SORCS1: variants seen among roughly 807,000 people sequenced by gnomAD.
The protein encoded by SORCS1 is VPS10 domain-containing receptor SorCS1.
Under a neutral mutation model 146.1 loss-of-function variants are expected in SORCS1, and 60 were observed. That is an observed-to-expected ratio of 0.41 (90% CI 0.33 to 0.51). The LOEUF is 0.51. SORCS1 is among the 20% of genes least tolerant of loss of function. SORCS1 has a pLI of 0.21. For missense variants in SORCS1, 1,352 were observed against 1,487.6 expected (o/e 0.91, Z 1.50); for synonymous variants, 637 against 584.0 (o/e 1.09, Z -1.31).
At chr10:106,921,953 T>C (rs1952733451) in intron 2 of SORCS1, among the ~76,000 whole-genome samples, 1 of 152,184 alleles carries the variant, frequency 6.6e-6, no homozygotes, top group Admixed American at 6.5e-5. Context: ...TTGCTTTCCA[T>C]CGTGCTGCAT....
rs371325325 is a variant in SORCS1, at chr10:106,735,931, C to T, written c.960-5817G>A. On this transcript the variant is annotated intron_variant, in intron 5 of 25. Transcript: ENST00000263054. ...ATGAGCTTTGTTGATGAAAACAAGA[C>T]AAAGCCCATTGCAGCCTCCTACATC... Among the ~76,000 whole-genome samples the T allele has an allele frequency of 4.6e-5, 7 of 152,278 alleles. No homozygotes were observed. The South Asian group carries it at 1.5e-3, about 32-fold the overall frequency.
At chr10:106,629,482 C>T in intron 18 of SORCS1, 94 bp from the exon 19 acceptor site, 3 of 1,324,262 alleles carry the variant, frequency 2.3e-6, no homozygotes, top group Non-Finnish European at 3.1e-6. Flanking sequence ...GTCCCTGGCT[C>T]AGGCATGATG....
chr10:106,828,964 T>G lies in SORCS1; in HGVS notation c.726+610A>C, dbSNP rs1589492994. On this transcript the variant is annotated intron_variant, in intron 3 of 25. Coordinates refer to ENST00000263054, the MANE Select transcript of SORCS1 (RefSeq NM_052918.5). The stretch of plus-strand genomic sequence containing the variant: ...TATTTCTTTCCTCTGAATCTCAGTT[T>G]TCTTATCTGTAAAATAACGGTGTTG... Among the ~76,000 whole-genome samples, 5 of 152,310 alleles carry G rather than the reference T, an allele frequency of 3.3e-5. No homozygotes were observed. In the South Asian group the frequency reaches 8.3e-4, roughly 25 times the overall value.
intron 1 of SORCS1, among the ~76,000 whole-genome samples, chr10:107,027,697 T>C (rs1042911163): frequency 2.0e-5 from 3 of 152,202 alleles, no homozygotes; most frequent in African/African-American, 4.8e-5. Context: ...CGCAGAAGTT[T>C]CAGTCATCAG....
intron 2 of SORCS1, among the ~76,000 whole-genome samples, chr10:106,896,786 C>T (rs1951496948): frequency 1.3e-5 from 2 of 151,644 alleles, no homozygotes; most frequent in Non-Finnish European, 2.9e-5. Context: ...AACTGAAGCT[C>T]AGTGTTAGAG....
intron 23 of SORCS1, among the ~76,000 whole-genome samples, chr10:106,602,988 A>G (rs973808569): frequency 1.3e-5 from 2 of 152,302 alleles, no homozygotes; most frequent in East Asian, 3.9e-4. Context: ...TAATAAAAAC[A>G]GCCAAGGAAG....
At chr10:106,804,121 A>G (rs1317419520) in intron 3 of SORCS1, among the ~76,000 whole-genome samples, 1 of 152,162 alleles carries the variant, frequency 6.6e-6, no homozygotes, top group Non-Finnish European at 1.5e-5. Flanking sequence ...GAGAGAGTGA[A>G]AAAGTACTCA....
chr10:106,915,987 C>T (rs1430097636), intron 2 of SORCS1, among the ~76,000 whole-genome samples: 1 of 152,142 alleles, frequency 6.6e-6, no homozygotes, highest in African/African-American at 2.4e-5. Context: ...TCCTAAAAAC[C>T]TTGATGGCTC....
chr10:107,013,407 G>A lies in SORCS1; in HGVS notation c.559-56827C>T, dbSNP rs765731699. On this transcript the variant is annotated intron_variant, in intron 1 of 25. Coordinates refer to ENST00000263054, the MANE Select transcript of SORCS1 (RefSeq NM_052918.5). ...CTGAGATGGAACCTGACACCAAGCA[G>A]AAGGTAATCAGATCTGGGTTAACCT... 1.1e-4 allele frequency among the ~76,000 whole-genome samples: 17 copies of A among 152,072 alleles called. 1 individual carries two copies. The highest frequency in any genetic ancestry group is 1.3e-4 in the Non-Finnish European group (9 of 68,038).
At chr10:107,086,555 C>T (rs1172794672) in intron 1 of SORCS1, among the ~76,000 whole-genome samples, 3 of 152,192 alleles carry the variant, frequency 2.0e-5, no homozygotes, top group Admixed American at 6.5e-5. Context: ...TTTGACTTCG[C>T]CATTTATAGC....
intron 1 of SORCS1, among the ~76,000 whole-genome samples, chr10:107,153,104 T>C (rs1968963925): frequency 1.3e-5 from 2 of 151,964 alleles, no homozygotes; most frequent in Admixed American, 6.6e-5. Flanking sequence ...CCCTCTCCCT[T>C]TTCTTCTCTC....
chr10:107,164,065 C>A lies in SORCS1; in HGVS notation c.462G>T (p.Arg154=), dbSNP rs769928326. ...ERDPDKATRF[R]MEELRLTSTT... The stretch of plus-strand genomic sequence containing the variant: ...TGCTGGTCAGTCTCAGCTCCTCCAT[C>A]CGGAAGCGGGTGGCTTTGTCCGGGT... The change falls in exon 1 of 26, where the codon CGG becomes CGT. Residue 154 remains arginine, a synonymous_variant. Coordinates refer to ENST00000263054, the MANE Select transcript of SORCS1 (RefSeq NM_052918.5). The surrounding 1 kb of genome is among the most constrained non-coding windows in gnomAD (Gnocchi z 6.8). 1.2e-6 allele frequency: 2 copies of A among 1,613,916 alleles called. No individual in the cohort carries two copies. Among genetic ancestry groups the A allele is most frequent in the Non-Finnish European group, 1.7e-6 (2 of 1,180,026 alleles).
chr10:107,004,175 CAAA>C (rs1190654041), intron 1 of SORCS1, among the ~76,000 whole-genome samples: 1 of 49,572 alleles, frequency 2.0e-5, no homozygotes, highest in Non-Finnish European at 3.6e-5. Flanking sequence ...GATCCCATCT[CAAA>C]AAAAAAAAAA....
chr10:107,040,803 G>A (rs181065055), intron 1 of SORCS1, among the ~76,000 whole-genome samples: 1 of 152,122 alleles, frequency 6.6e-6, no homozygotes, highest in Non-Finnish European at 1.5e-5. Context: ...AAAAACTAAT[G>A]AGACTGGTGA....
intron 24 of SORCS1, 124 bp downstream of exon 24, chr10:106,597,227 C>T: frequency 1.3e-6 from 1 of 751,198 alleles, no homozygotes; most frequent in Non-Finnish European, 2.2e-6. Context: ...CCTCCAAGAT[C>T]CGATGACTGA....
chr10:106,818,806 C>G (rs753914067), intron 3 of SORCS1, among the ~76,000 whole-genome samples: 1 of 152,136 alleles, frequency 6.6e-6, no homozygotes, highest in Non-Finnish European at 1.5e-5. Context: ...GTACATACAC[C>G]GAAAGACTGT....
chr10:107,006,681 G>C (rs1957456682), intron 1 of SORCS1, among the ~76,000 whole-genome samples: 1 of 152,172 alleles, frequency 6.6e-6, no homozygotes, highest in Non-Finnish European at 1.5e-5. Context: ...GCCGGATGTG[G>C]TGGCGGGCGC....
intron 1 of SORCS1, among the ~76,000 whole-genome samples, chr10:107,069,180 G>A (rs1962197161): frequency 6.6e-6 from 1 of 152,100 alleles, no homozygotes; most frequent in Admixed American, 6.5e-5. Flanking sequence ...TCCAGCTAAG[G>A]TGGTCATCCC....
intron 2 of SORCS1, among the ~76,000 whole-genome samples, chr10:106,886,272 A>G (rs1193010515): frequency 3.3e-5 from 5 of 152,104 alleles, no homozygotes; most frequent in African/African-American, 9.7e-5. Flanking sequence ...CAAAACAACA[A>G]CAACAACAAC....
Sources: allele counts gnomAD v4.1 joint callset (sites outside exome capture counted in the v4.1 genomes callset), GRCh38; gene constraint gnomAD v4.1.1; non-coding constraint Gnocchi (gnomAD v3.1); transcripts MANE v1.5; gene names NCBI Gene and HGNC (gene_info 2026-07-23, HGNC 2026-07-21).